The following GREB1 variants were observed in gnomAD, a reference collection of about 807,000 sequenced individuals.
GREB1 encodes growth regulating estrogen receptor binding 1, also known as protein GREB1.
A neutral mutation model predicts 200.7 loss-of-function variants in GREB1; 106 were observed. That is an observed-to-expected ratio of 0.53 (90% CI 0.45 to 0.62). The LOEUF (loss-of-function observed/expected upper bound fraction) is 0.62, where lower values mean the gene tolerates loss of function less well. Among genes scored for constraint, GREB1 ranks in the 20% least tolerant of loss-of-function variants. The pLI is 0.00. For synonymous variants in GREB1, 1,132 were observed against 1,092.4 expected (o/e 1.04, Z -0.72); for missense variants, 2,243 against 2,556.8 (o/e 0.88, Z 2.65).
At chr2:11,519,371 T>C (rs1355621756) in intron 1 of GREB1, among the ~76,000 whole-genome samples, 1 of 151,628 alleles carries the variant, frequency 6.6e-6, no homozygotes, top group African/African-American at 2.4e-5. Context: ...GTGAAGTTAG[T>C]AAGTCCCCCA....
At chr2:11,600,396 C>T (rs189885073) in intron 15 of GREB1, among the ~76,000 whole-genome samples, 1 of 152,150 alleles carries the variant, frequency 6.6e-6, no homozygotes, top group Non-Finnish European at 1.5e-5. Context: ...ATAGAATTTA[C>T]TCTTTTACAT....
intron 4 of GREB1, among the ~76,000 whole-genome samples, chr2:11,569,744 A>C (rs1340692009): frequency 6.6e-6 from 1 of 152,172 alleles, no homozygotes; most frequent in Admixed American, 6.5e-5. Flanking sequence ...TTGAACCCCG[A>C]GGGTCTGGCC....
At position 11,585,185 on chromosome 2, in the gene GREB1, C is replaced by T; in HGVS notation, c.926C>T (p.Pro309Leu). Residue 309 changes from proline to leucine, a missense_variant, in exon 8 of 33, where the codon CCC becomes CTC. Physicochemically the swap from Pro to Leu is moderately conservative, Grantham distance 98. Coordinates refer to ENST00000381486, the MANE Select transcript of GREB1 (RefSeq NM_014668.4). ...ALGILSNSGP[P>L]KKRHKGWSPE... ...GGTATCTTGTCAAACTCCGGGCCCC[C>T]CAAAAAACGCCACAAAGGGTGGTCT... The T allele has an allele frequency of 6.3e-7, 1 of 1,576,692 alleles. No individual in the cohort carries two copies. The highest frequency in any genetic ancestry group is 8.6e-7 in the Non-Finnish European group (1 of 1,164,934).
intron 1 of GREB1, among the ~76,000 whole-genome samples, chr2:11,500,832 C>G (rs188506066): frequency 6.6e-6 from 1 of 152,150 alleles, no homozygotes; most frequent in African/African-American, 2.4e-5. Flanking sequence ...CAACCAACTG[C>G]GGCATTTCTG....
chr2:11,525,388 T>C (rs558041146), intron 1 of GREB1, among the ~76,000 whole-genome samples: 1 of 151,410 alleles, frequency 6.6e-6, no homozygotes, highest in South Asian at 2.1e-4. Context: ...TCCCAGCTAC[T>C]TGGAAGTCTG....
At chr2:11,618,958 G>A in intron 22 of GREB1, 39 bp downstream of exon 22, 2 of 1,444,586 alleles carry the variant, frequency 1.4e-6, no homozygotes, top group Middle Eastern at 1.8e-4. Context: ...CCCCGGACTG[G>A]GGGGGTCCTC....
In GREB1 at chr2:11,634,150, A is replaced by T; in HGVS notation, c.5011A>T (p.Arg1671Trp). ...GAGCAGGGAGTTCTCCTGGTCGGAA[A>T]GGAACGTGTCTTTGAAGCACATCAT... ...ERSREFSWSE[R>W]NVSLKHIMQH... The change falls in exon 29 of 33, where the codon AGG becomes TGG. Residue 1671 changes from arginine (R) to tryptophan (W), a missense_variant. Physicochemically the swap from Arg to Trp is moderately radical, Grantham distance 101 (BLOSUM62 -3). Coordinates refer to ENST00000381486, the MANE Select transcript of GREB1 (RefSeq NM_014668.4). 3.1e-6 allele frequency: 5 copies of T among 1,614,224 alleles called. No homozygotes were observed. The highest frequency in any genetic ancestry group is 2.5e-6 in the Non-Finnish European group (3 of 1,180,024).
At position 11,632,947 on chromosome 2, in the gene GREB1, C is replaced by G; in HGVS notation, c.4875C>G (p.Asn1625Lys). The G allele has an allele frequency of 6.2e-7, 1 of 1,614,164 alleles. No individual in the cohort carries two copies. Among genetic ancestry groups the G allele is most frequent in the African/African-American group, 1.3e-5 (1 of 75,040 alleles). Reference protein sequence around the residue: ...LSYHNLELERNRQEELGIKPQ... With the variant: ...LSYHNLELERKRQEELGIKPQ... ...ACCATAACCTGGAGCTCGAGCGGAACCGGCAGGAGGAGCTGGGAATCAAGC... is the reference window on the plus strand; with the variant it reads ...ACCATAACCTGGAGCTCGAGCGGAAGCGGCAGGAGGAGCTGGGAATCAAGC... The change falls in exon 28 of 33, where the codon AAC becomes AAG. Residue 1625 changes from asparagine to lysine, a missense_variant. Transcript: ENST00000381486.
At chr2:11,530,376 T>A (rs1376612817), upstream of GREB1, among the ~76,000 whole-genome samples, 1 of 151,128 alleles carries the variant, frequency 6.6e-6, no homozygotes, top group Non-Finnish European at 1.5e-5. Flanking sequence ...GTGATTCTTA[T>A]GCACACTAAA....
Position 11,566,461 on chromosome 2 carries a change from C to T in GREB1, c.278-19C>T. On this transcript the variant is annotated intron_variant, in intron 3 of 32. Coordinates refer to ENST00000381486, the MANE Select transcript of GREB1 (RefSeq NM_014668.4). ...TGGGAAGCCCTGGGCAGCGTGTGAA[C>T]CCTGTCCACCCCTCCTAGGGTTTTG... 6.3e-7 allele frequency: 1 copy of T among 1,589,230 alleles called. No homozygotes were observed. Among genetic ancestry groups the T allele is most frequent in the East Asian group, 2.2e-5 (1 of 44,528 alleles).
At chr2:11,544,316 A>T (rs961532307) in intron 1 of GREB1, among the ~76,000 whole-genome samples, 1 of 152,006 alleles carries the variant, frequency 6.6e-6, no homozygotes, top group Admixed American at 6.6e-5. Flanking sequence ...TCCCAGGTTC[A>T]CGCCATTCTC....
intron 1 of GREB1, among the ~76,000 whole-genome samples, chr2:11,520,829 G>T (rs77294520): frequency 2.6e-5 from 4 of 152,090 alleles, no homozygotes; most frequent in Non-Finnish European, 5.9e-5. Flanking sequence ...CGGGCTTTAG[G>T]GGGTGGCTGT....
At chr2:11,511,585 C>T (rs552035267) in intron 1 of GREB1, among the ~76,000 whole-genome samples, 7 of 152,220 alleles carry the variant, frequency 4.6e-5, no homozygotes, top group African/African-American at 9.6e-5. Context: ...GAGGAAGCAG[C>T]GTGCCCTCTG....
chr2:11,564,538 G>A (rs1245356578), intron 3 of GREB1, among the ~76,000 whole-genome samples: 3 of 152,172 alleles, frequency 2.0e-5, no homozygotes, highest in African/African-American at 4.8e-5. Flanking sequence ...TTAAGAGGTA[G>A]ACTCTCCATT....
intron 16 of GREB1, among the ~76,000 whole-genome samples, chr2:11,602,010 TTTTC>T (rs1681824368): frequency 6.6e-6 from 1 of 152,248 alleles, no homozygotes; most frequent in African/African-American, 2.4e-5. Flanking sequence ...TAGGTAAATG[TTTTC>T]TTTGTCTATT....
At chr2:11,520,426 A>C (rs1005060938) in intron 1 of GREB1, among the ~76,000 whole-genome samples, 5 of 152,150 alleles carry the variant, frequency 3.3e-5, no homozygotes, top group African/African-American at 1.2e-4. Context: ...TCCAGGAGGA[A>C]TCTGTTTCCT....
intron 4 of GREB1, among the ~76,000 whole-genome samples, chr2:11,574,252 C>G (rs1678607038): frequency 6.6e-6 from 1 of 152,216 alleles, no homozygotes; most frequent in African/African-American, 2.4e-5. Context: ...GGCACACACA[C>G]AGCTCACACG....
intron 1 of GREB1, among the ~76,000 whole-genome samples, chr2:11,523,683 G>A (rs967887544): frequency 6.6e-6 from 1 of 152,176 alleles, no homozygotes; most frequent in Admixed American, 6.5e-5. Flanking sequence ...AAACCAGAAA[G>A]ACGGGAGGAC....
chr2:11,605,398 G>A (rs1217690120), intron 17 of GREB1, among the ~76,000 whole-genome samples: 1 of 151,698 alleles, frequency 6.6e-6, no homozygotes, highest in African/African-American at 2.4e-5. Flanking sequence ...GCTGATTTTT[G>A]TAGTTTTAGT....
Sources: allele counts gnomAD v4.1 joint callset (sites outside exome capture counted in the v4.1 genomes callset), GRCh38; gene constraint gnomAD v4.1.1; transcripts MANE v1.5; gene names NCBI Gene and HGNC (gene_info 2026-07-23, HGNC 2026-07-21).